Variants in TNFSF10 observed in about 807,000 individuals in gnomAD.
TNFSF10 encodes the protein tumor necrosis factor ligand superfamily member 10.
A neutral mutation model predicts 29.5 loss-of-function variants in TNFSF10; 13 were observed. The observed-to-expected ratio is 0.44, with a 90% CI of 0.29 to 0.70. TNFSF10 has a LOEUF of 0.70. TNFSF10 is among the 30% of genes least tolerant of loss of function. The probability of loss-of-function intolerance (pLI) is 0.13; values close to 1 mark genes in which losing one functional copy is unlikely to be tolerated. For missense variants in TNFSF10, 345 were observed against 330.9 expected, an observed-to-expected ratio of 1.04 and a Z score of -0.33; for synonymous variants, 111 against 112.8, an observed-to-expected ratio of 0.98 and a Z score of 0.10.
chr3:172,520,841 G>A (rs1368610724), intron 1 of TNFSF10, among the ~76,000 whole-genome samples: 2 of 152,156 alleles, frequency 1.3e-5, no homozygotes, highest in Non-Finnish European at 2.9e-5. Context: ...CATGTTACTG[G>A]TATGGAAACA....
At chr3:172,513,762 G>C (rs893604312) in intron 2 of TNFSF10, among the ~76,000 whole-genome samples, 1 of 152,106 alleles carries the variant, frequency 6.6e-6, no homozygotes, top group African/African-American at 2.4e-5. Context: ...GGTGGTGTAT[G>C]TGGTACTTCA....
chr3:172,511,058 C>A (rs1396614923), intron 3 of TNFSF10, among the ~76,000 whole-genome samples: 1 of 152,068 alleles, frequency 6.6e-6, no homozygotes, highest in Non-Finnish European at 1.5e-5. Context: ...CCAGCCTGGG[C>A]AACAGTAGTG....
At chr3:172,508,945 TCTA>T (rs1030905050) in intron 4 of TNFSF10, among the ~76,000 whole-genome samples, 2 of 83,646 alleles carry the variant, frequency 2.4e-5, no homozygotes, top group Non-Finnish European at 4.9e-5. Flanking sequence ...GAGAAATTAC[TCTA>T]AAGAAGGAAA....
At chr3:172,510,262 C>T (rs1713168647) in intron 3 of TNFSF10, among the ~76,000 whole-genome samples, 1 of 152,106 alleles carries the variant, frequency 6.6e-6, no homozygotes, top group South Asian at 2.1e-4. Context: ...TTGAGATTAG[C>T]CTGGGCAACA....
chr3:172,515,873 T>TTTTG (rs369549308), intron 1 of TNFSF10, among the ~76,000 whole-genome samples: 5 of 151,754 alleles, frequency 3.3e-5, no homozygotes, highest in African/African-American at 4.8e-5. Flanking sequence ...GCCAGAAGGG[T>TTTTG]TTTGTTTGTT....
At chr3:172,517,562 C>G in intron 1 of TNFSF10, 2 of 984,862 alleles carry the variant, frequency 2.0e-6, no homozygotes, top group Non-Finnish European at 2.4e-6. Flanking sequence ...AAAAACAAAA[C>G]AAAACAACCA....
At chr3:172,507,627 G>A (rs1007223394) in intron 4 of TNFSF10, among the ~76,000 whole-genome samples, 6 of 152,160 alleles carry the variant, frequency 3.9e-5, no homozygotes, top group African/African-American at 1.2e-4. Context: ...TTTCCAGAGC[G>A]TAAACCAGTT....
intron 3 of TNFSF10, 185 bp downstream of exon 3, chr3:172,511,432 G>A (rs1662435410): frequency 2.1e-6 from 1 of 487,626 alleles, no homozygotes. Flanking sequence ...CACAGATTTG[G>A]TTCTGAGCTT....
In TNFSF10 at chr3:172,506,235, A is replaced by G. The variant is rs144754297; in HGVS notation, c.*257T>C. On this transcript the variant is annotated 3_prime_UTR_variant, in exon 5 of 5. Transcript: ENST00000241261. ...GCTGACAGTCTTCTAGATTTCTGCTAGCAAACTGATATGAGGTAGAGTCCT... is the reference window on the plus strand; with the variant it reads ...GCTGACAGTCTTCTAGATTTCTGCTGGCAAACTGATATGAGGTAGAGTCCT... 115 of 407,850 alleles carry G rather than the reference A, an allele frequency of 2.8e-4. No individual in the cohort carries two copies. The Middle Eastern group carries it at 5.4e-3, about 19-fold the overall frequency. 25.3% of individuals were successfully genotyped at this position (407,850 alleles called of 1,614,324 possible).
chr3:172,520,338 T>C (rs1220357994), intron 1 of TNFSF10, among the ~76,000 whole-genome samples: 1 of 152,254 alleles, frequency 6.6e-6, no homozygotes, highest in East Asian at 1.9e-4. Context: ...CATGAACAGC[T>C]GTGTCTATCT....
intron 4 of TNFSF10, 93 bp from the exon 5 acceptor site, chr3:172,507,012 G>A: frequency 2.6e-6 from 3 of 1,148,302 alleles, no homozygotes; most frequent in Non-Finnish European, 2.4e-6. Context: ...CTATATTTTT[G>A]TTGGGCTTGC....
At chr3:172,508,276 C>T (rs1713075327) in intron 4 of TNFSF10, among the ~76,000 whole-genome samples, 1 of 145,340 alleles carries the variant, frequency 6.9e-6, no homozygotes, top group Non-Finnish European at 1.5e-5. Context: ...GCCTGGGCGA[C>T]AAAAGTGAAA....
chr3:172,520,962 C>A (rs990190289), intron 1 of TNFSF10, among the ~76,000 whole-genome samples: 3 of 152,180 alleles, frequency 2.0e-5, no homozygotes, highest in African/African-American at 7.2e-5. Flanking sequence ...AAAGGATTCC[C>A]TATTTAATAA....
At chr3:172,522,328 C>CT in intron 1 of TNFSF10, 1 of 902,174 alleles carries the variant, frequency 1.1e-6, no homozygotes, top group Non-Finnish European at 1.8e-6. Flanking sequence ...ACTCTAAGAG[C>CT]TACATTACAG....
chr3:172,513,226 C>A (rs571181391), intron 2 of TNFSF10, among the ~76,000 whole-genome samples: 1 of 152,318 alleles, frequency 6.6e-6, no homozygotes, highest in Non-Finnish European at 1.5e-5. Context: ...CAGCACCCAG[C>A]CCTCTCCTCA....
At chr3:172,510,410 G>T (rs1198667431) in intron 3 of TNFSF10, among the ~76,000 whole-genome samples, 1 of 151,270 alleles carries the variant, frequency 6.6e-6, no homozygotes, top group African/African-American at 2.4e-5. Flanking sequence ...AGCCATGATC[G>T]TACCACTGCA....
At chr3:172,522,774 C>G (rs1387946512) in intron 1 of TNFSF10, among the ~76,000 whole-genome samples, 1 of 152,028 alleles carries the variant, frequency 6.6e-6, no homozygotes. Context: ...TTATTTTTTT[C>G]CATTTTGAGC....
chr3:172,507,550 T>C (rs926544203), intron 4 of TNFSF10: 2 of 152,184 alleles, frequency 1.3e-5, no homozygotes, highest in Non-Finnish European at 2.9e-5. Context: ...GAATGAAAAA[T>C]GAACCTTCCA....
rs573219853 is a variant in TNFSF10 at position 172,515,238 on chromosome 3, TCA to T, written c.133-242_133-241del. Among the ~76,000 whole-genome samples, 20 of 151,414 alleles carry T rather than the reference TCA, an allele frequency of 1.3e-4. No homozygotes were observed. In the East Asian group the frequency reaches 3.9e-3, roughly 29 times the overall value. On this transcript the variant is annotated intron_variant, in intron 1 of 4. Coordinates refer to ENST00000241261, the MANE Select transcript of TNFSF10 (RefSeq NM_003810.4). ...GCAGGTGTGCTTCAGGCATCTGGAGTCACAGTGTCCTTCCCTGCCTCCCTTAC... is the reference window on the plus strand; with the variant it reads ...GCAGGTGTGCTTCAGGCATCTGGAGTCAGTGTCCTTCCCTGCCTCCCTTAC...
Sources: gnomAD v4.1 joint callset for allele counts (sites outside exome capture counted in the v4.1 genomes callset) on GRCh38, gnomAD v4.1.1 for gene constraint, MANE v1.5 for transcripts, NCBI Gene and HGNC (gene_info 2026-07-23, HGNC 2026-07-21) for gene names.